Variants in SMG6 observed in about 807,000 individuals in gnomAD.
The protein encoded by SMG6 is SMG6 nonsense mediated mRNA decay factor, also known as telomerase-binding protein EST1A.
SMG6 carries 66 observed loss-of-function variants against 142.2 expected under a neutral mutation model. That is an observed-to-expected ratio of 0.46 (90% CI 0.38 to 0.57). The LOEUF is 0.57. SMG6 is among the 20% of genes least tolerant of loss of function. SMG6 has a pLI of 0.00. For synonymous variants in SMG6, 779 were observed against 702.4 expected (o/e 1.11, Z -1.72); for missense variants, 1,793 against 1,832.0 (o/e 0.98, Z 0.39).
chr17:2,204,136 T>C (rs1293222729), intron 10 of SMG6, among the ~76,000 whole-genome samples: 2 of 152,078 alleles, frequency 1.3e-5, no homozygotes, highest in Non-Finnish European at 2.9e-5. Context: ...GCTAAGGATT[T>C]TTAAAAGTCT....
At chr17:2,297,380 G>T in intron 3 of SMG6, 27 bp from the exon 4 acceptor site, 1 of 1,543,354 alleles carries the variant, frequency 6.5e-7, no homozygotes, top group Non-Finnish European at 8.8e-7. Context: ...AGAAATGACT[G>T]AATCAATCTA....
intron 13 of SMG6, among the ~76,000 whole-genome samples, chr17:2,113,010 A>G (rs2069386335): frequency 6.6e-6 from 1 of 152,018 alleles, no homozygotes; most frequent in African/African-American, 2.4e-5. Context: ...TACTGGCCTC[A>G]GCTTCCCAAA....
chr17:2,287,227 A>C (rs2074928108), intron 6 of SMG6, among the ~76,000 whole-genome samples: 1 of 152,194 alleles, frequency 6.6e-6, no homozygotes, highest in African/African-American at 2.4e-5. Context: ...CTAAAATAAC[A>C]ATTTTTAAAT....
At chr17:2,183,744 C>T (rs998054727) in intron 12 of SMG6, among the ~76,000 whole-genome samples, 25 of 109,292 alleles carry the variant, frequency 2.3e-4, no homozygotes, top group Admixed American at 1.6e-3. Flanking sequence ...CAGGTGCGTG[C>T]GACACACACA....
rs141910045 is a variant in SMG6, at chr17:2,302,553, T to C, written c.88+1080A>G. Among the ~76,000 whole-genome samples, 80 of 152,110 alleles carry C rather than the reference T, an allele frequency of 5.3e-4. No homozygotes were observed. The East Asian group carries it at 0.012, about 23-fold the overall frequency. On this transcript the variant is annotated intron_variant, in intron 1 of 18. Transcript: ENST00000263073. Reference sequence around the variant, plus strand: ...TAGACTCCGTCTCAAAAAATAATAATAACAACAATAAAAAAGTTTTTAATC... The same window carrying C: ...TAGACTCCGTCTCAAAAAATAATAACAACAACAATAAAAAAGTTTTTAATC...
chr17:2,138,717 T>C (rs927277582), intron 13 of SMG6, among the ~76,000 whole-genome samples: 3 of 152,176 alleles, frequency 2.0e-5, no homozygotes, highest in African/African-American at 7.2e-5. Flanking sequence ...CCCACCTCTC[T>C]CCCTCCCTGT....
intron 13 of SMG6, among the ~76,000 whole-genome samples, chr17:2,096,358 G>A (rs74492223): frequency 0.02 from 3,014 of 152,238 alleles, 84 homozygotes; most frequent in African/African-American, 0.068. Context: ...ACAGGTGCAC[G>A]CCACCATGCC....
intron 10 of SMG6, among the ~76,000 whole-genome samples, chr17:2,228,074 C>CT (rs1299168773): frequency 1.3e-5 from 2 of 152,078 alleles, no homozygotes; most frequent in African/African-American, 4.8e-5. Context: ...TTTATTTTGA[C>CT]TTTTTTTGAG....
chr17:2,120,273 AG>A (rs901038006), intron 13 of SMG6, among the ~76,000 whole-genome samples: 6 of 152,272 alleles, frequency 3.9e-5, no homozygotes, highest in Non-Finnish European at 8.8e-5. Context: ...GGTAAGACAC[AG>A]GCTTTGTGAA....
chr17:2,302,634 T>C (rs2075308023), intron 1 of SMG6, among the ~76,000 whole-genome samples: 1 of 152,200 alleles, frequency 6.6e-6, no homozygotes, highest in African/African-American at 2.4e-5. Context: ...AATCATATGC[T>C]CCAGCAAGTA....
Position 2,236,538 on chromosome 17 carries a change from C to G in SMG6, c.2823G>C (p.Gln941His). Reference sequence around the variant, plus strand: ...CTGCAAACATATTGATGGTCATAAGCTGCAGCATGCGGGTACTTCCAATGG... The same window carrying G: ...CTGCAAACATATTGATGGTCATAAGGTGCAGCATGCGGGTACTTCCAATGG... Reference protein sequence around the residue: ...PSPIGSTRMLQLMTINMFAVH... With the variant: ...PSPIGSTRMLHLMTINMFAVH... Residue 941 changes from glutamine (Q) to histidine (H), a missense_variant, in exon 10 of 19, where the codon CAG becomes CAC. By Grantham distance (24) the Gln-to-His change is conservative. Transcript: ENST00000263073. 1 of 1,613,528 alleles carries G rather than the reference C, an allele frequency of 6.2e-7. No homozygotes were observed.
At chr17:2,162,603 G>C (rs1037828939) in intron 13 of SMG6, among the ~76,000 whole-genome samples, 1 of 151,238 alleles carries the variant, frequency 6.6e-6, no homozygotes, top group African/African-American at 2.4e-5. Context: ...GCTGAGGCGG[G>C]AATACTGCTT....
intron 13 of SMG6, among the ~76,000 whole-genome samples, chr17:2,111,377 G>A (rs2069312210): frequency 6.6e-6 from 1 of 152,098 alleles, no homozygotes; most frequent in South Asian, 2.1e-4. Context: ...ACTTGAAGGT[G>A]CAAGCCACAA....
chr17:2,236,019 T>A (rs531319523), intron 10 of SMG6: 7 of 152,396 alleles, frequency 4.6e-5, no homozygotes, highest in Admixed American at 2.0e-4. Flanking sequence ...CGGTTCTTAC[T>A]CCCTGGCAGG....
chr17:2,270,599 C>T (rs2074523939), intron 8 of SMG6, among the ~76,000 whole-genome samples: 1 of 152,134 alleles, frequency 6.6e-6, no homozygotes, highest in African/African-American at 2.4e-5. Context: ...CAGAGAGGAA[C>T]CATGTCTCAA....
chr17:2,239,893 T>C (rs1035521247), intron 9 of SMG6: 2 of 152,212 alleles, frequency 1.3e-5, no homozygotes, highest in African/African-American at 4.8e-5. Flanking sequence ...ATAGCATGAC[T>C]AGGCAAGCAA....
chr17:2,238,156 T>C (rs989214163), intron 9 of SMG6, among the ~76,000 whole-genome samples: 1 of 152,214 alleles, frequency 6.6e-6, no homozygotes, highest in Non-Finnish European at 1.5e-5. Flanking sequence ...TCTTCACTCC[T>C]TGCACTTGGA....
chr17:2,204,509 T>C (rs947154009), intron 10 of SMG6, among the ~76,000 whole-genome samples: 13 of 152,096 alleles, frequency 8.5e-5, no homozygotes, highest in Admixed American at 6.6e-4. Context: ...CTGTGGTGCA[T>C]CTAGTTTTAA....
chr17:2,225,829 G>A (rs183718584), intron 10 of SMG6, among the ~76,000 whole-genome samples: 9 of 152,210 alleles, frequency 5.9e-5, no homozygotes, highest in Admixed American at 3.9e-4. Context: ...GGGGCACGAC[G>A]ACAACGGTGG....
Sources: gnomAD v4.1 joint callset for allele counts (sites outside exome capture counted in the v4.1 genomes callset) on GRCh38, gnomAD v4.1.1 for gene constraint, MANE v1.5 for transcripts, NCBI Gene and HGNC (gene_info 2026-07-23, HGNC 2026-07-21) for gene names.